Variants in CD47 observed in about 807,000 individuals in gnomAD.
The protein encoded by CD47 is leukocyte surface antigen CD47.
A neutral mutation model predicts 44.6 loss-of-function variants in CD47; 11 were observed. The ratio of observed to expected loss-of-function variants is 0.25; its 90% CI spans 0.16 to 0.41. CD47 has a LOEUF of 0.41. Among genes scored for constraint, CD47 ranks in the 10% least tolerant of loss-of-function variants. The pLI is 1.00. For missense variants in CD47, 306 were observed against 386.7 expected (o/e 0.79, Z 1.75); for synonymous variants, 140 against 136.3 (o/e 1.03, Z -0.19).
Position 108,060,809 on chromosome 3 carries a change from A to C in CD47, c.534T>G (p.Ala178=). ...TGATCACTAGTCCAGCAACAAGTAA[A>C]GCAATTGTTTTCTCATCCATACCAC... ...RSGGMDEKTI[A]LLVAGLVITV... The change falls in exon 4 of 11, where the codon GCT becomes GCG. Residue 178 remains alanine, a synonymous_variant. Coordinates refer to ENST00000361309, the MANE Select transcript of CD47 (RefSeq NM_001777.4). 6.2e-7 allele frequency: 1 copy of C among 1,613,654 alleles called. No individual in the cohort carries two copies. Among genetic ancestry groups the C allele is most frequent in the South Asian group, 1.1e-5 (1 of 91,076 alleles).
intron 4 of CD47, among the ~76,000 whole-genome samples, chr3:108,060,359 A>C (rs981438203): frequency 6.6e-6 from 1 of 152,248 alleles, no homozygotes; most frequent in African/African-American, 2.4e-5. Flanking sequence ...AAATGTGCTC[A>C]TAAGAGAGAG....
At chr3:108,066,674 TG>T (rs1265082256) in intron 3 of CD47, among the ~76,000 whole-genome samples, 1 of 152,028 alleles carries the variant, frequency 6.6e-6, no homozygotes, top group Non-Finnish European at 1.5e-5. Flanking sequence ...GCAAGAAAGA[TG>T]AAAGAGTAAA....
chr3:108,074,721 G>GC (rs1274239044), intron 2 of CD47, among the ~76,000 whole-genome samples: 1 of 132,240 alleles, frequency 7.6e-6, no homozygotes, highest in African/African-American at 2.7e-5. Context: ...TGGGGGGGGG[G>GC]GGCACACAAT....
intron 1 of CD47, among the ~76,000 whole-genome samples, chr3:108,083,102 A>G (rs537188676): frequency 6.6e-6 from 1 of 152,192 alleles, no homozygotes; most frequent in East Asian, 1.9e-4. Flanking sequence ...GATAATTAAC[A>G]TGAATAAGAA....
At chr3:108,080,747 T>G (rs1335580626) in intron 1 of CD47, among the ~76,000 whole-genome samples, 1 of 151,858 alleles carries the variant, frequency 6.6e-6, no homozygotes, top group East Asian at 1.9e-4. Flanking sequence ...CCAAACCAAA[T>G]ATTTTATTCA....
At chr3:108,071,395 CACTT>C (rs2079199035) in intron 2 of CD47, among the ~76,000 whole-genome samples, 1 of 152,122 alleles carries the variant, frequency 6.6e-6, no homozygotes, top group African/African-American at 2.4e-5. Context: ...ATAAAAACTA[CACTT>C]ACTTAAGCAT....
At chr3:108,084,398 A>C (rs1053111880) in intron 1 of CD47, among the ~76,000 whole-genome samples, 1 of 151,824 alleles carries the variant, frequency 6.6e-6, no homozygotes, top group African/African-American at 2.4e-5. Context: ...TGTCCACCCC[A>C]TCCTAGTTTG....
chr3:108,079,912 T>C (rs2079384214), intron 2 of CD47, 79 bp downstream of exon 2: 1 of 808,304 alleles, frequency 1.2e-6, no homozygotes, highest in Admixed American at 2.3e-5. Flanking sequence ...GGAGTACCTA[T>C]CCCCATTTGG....
At position 108,065,372 on chromosome 3, in the gene CD47, C is replaced by T. The variant is rs77650417; in HGVS notation, c.491-4520G>A. Among the ~76,000 whole-genome samples, 363 of 152,220 alleles carry T rather than the reference C, an allele frequency of 2.4e-3. 2 individuals carry two copies. Among genetic ancestry groups the T allele is most frequent in the African/African-American group, 8.5e-3 (351 of 41,522 alleles). ...TTTGGAAAGGGTCAAGGGATTTCTA[C>T]AAAAGAGTAAAATGCTGAGCTATAG... On this transcript the variant is annotated intron_variant, in intron 3 of 10. Transcript: ENST00000361309.
Position 108,082,743 on chromosome 3 carries a change from A to C in CD47, c.47-2399T>G, listed in dbSNP as rs3828375. Among the ~76,000 whole-genome samples the C allele has an allele frequency of 1.8e-4, 27 of 152,168 alleles. 1 individual carries two copies. In the East Asian group the frequency reaches 5.2e-3, roughly 29 times the overall value. On this transcript the variant is annotated intron_variant, in intron 1 of 10. Coordinates refer to ENST00000361309, the MANE Select transcript of CD47 (RefSeq NM_001777.4). ...ACATATGTTTAGAGAATGAATTTTC[A>C]AAGGAATACAGAAAGCAATAATTAT...
intron 10 of CD47, among the ~76,000 whole-genome samples, chr3:108,048,676 G>A (rs1222646661): frequency 1.3e-5 from 2 of 151,920 alleles, no homozygotes; most frequent in South Asian, 2.1e-4. Flanking sequence ...GAGCCACCGC[G>A]CCCGGCCGAC....
chr3:108,058,558 G>A (rs571467269), intron 5 of CD47, 129 bp from the exon 6 acceptor site: 23 of 562,200 alleles, frequency 4.1e-5, no homozygotes, highest in South Asian at 4.0e-4. Context: ...ATTGTTTGAC[G>A]GTAGATGTTA....
intron 1 of CD47, among the ~76,000 whole-genome samples, 181 bp downstream of exon 1, chr3:108,090,682 A>G (rs1198590037): frequency 6.6e-6 from 1 of 152,058 alleles, no homozygotes; most frequent in African/African-American, 2.4e-5. Flanking sequence ...GGGAGGAAGA[A>G]GGGGGGCGCC....
rs1330076614 is a variant in CD47 at position 108,091,000 on chromosome 3, G to C, written c.-92C>G. On this transcript the variant is annotated 5_prime_UTR_variant, in exon 1 of 11. Coordinates refer to ENST00000361309, the MANE Select transcript of CD47 (RefSeq NM_001777.4). Reference sequence around the variant, plus strand: ...TACAGGCAGGACCGACCGCCGCCGCGCGTCACAGGCAGGACCCACTGCCCA... The same window carrying C: ...TACAGGCAGGACCGACCGCCGCCGCCCGTCACAGGCAGGACCCACTGCCCA... 2 of 902,522 alleles carry C rather than the reference G, an allele frequency of 2.2e-6. No homozygotes were observed. Among genetic ancestry groups the C allele is most frequent in the Middle Eastern group, 7.6e-4 (2 of 2,632 alleles). 55.9% of individuals were successfully genotyped at this position (902,522 alleles called of 1,614,324 possible). A position where few individuals can be genotyped will look rare whatever the true frequency, so the allele number is the denominator to read the frequency against.
chr3:108,048,438 G>A (rs983626368), intron 10 of CD47, among the ~76,000 whole-genome samples: 1 of 131,608 alleles, frequency 7.6e-6, no homozygotes, highest in African/African-American at 2.8e-5. Context: ...AGGCTGGAGT[G>A]TAGTGGCACG....
chr3:108,060,751 C>T lies in CD47; in HGVS notation c.592G>A (p.Val198Ile), dbSNP rs181737868. ...VIVIVGAILF[V>I]PGEYSLKNAT... ...TAGGAACTGCACATCTTACCTGGGACGAAAAGAATGGCTCCAACAATGACA... is the reference window on the plus strand; with the variant it reads ...TAGGAACTGCACATCTTACCTGGGATGAAAAGAATGGCTCCAACAATGACA... Residue 198 changes from valine to isoleucine, a missense_variant, in exon 4 of 11, where the codon GTC becomes ATC. Val to Ile is a conservative substitution (Grantham distance 29). Transcript: ENST00000361309. The T allele has an allele frequency of 4.2e-5, 68 of 1,610,192 alleles. No individual in the cohort carries two copies. Among genetic ancestry groups the T allele is most frequent in the Middle Eastern group, 1.7e-4 (1 of 6,048 alleles).
At chr3:108,061,807 T>C (rs528132437) in intron 3 of CD47, among the ~76,000 whole-genome samples, 36 of 152,192 alleles carry the variant, frequency 2.4e-4, no homozygotes, top group Non-Finnish European at 5.9e-5. Flanking sequence ...GTCATCCACA[T>C]AGAGATAGTC....
chr3:108,062,471 T>G (rs1295752781), intron 3 of CD47, among the ~76,000 whole-genome samples: 2 of 152,114 alleles, frequency 1.3e-5, no homozygotes, highest in East Asian at 3.9e-4. Context: ...TAGAAGCTGT[T>G]TCAAATGCAC....
At position 108,048,371 on chromosome 3, in the gene CD47, G is replaced by GTTT. The variant is rs146476512; in HGVS notation, c.968-1082_968-1080dup. Among the ~76,000 whole-genome samples, 177 of 79,576 alleles carry GTTT rather than the reference G, an allele frequency of 2.2e-3. 3 individuals carry two copies. Among genetic ancestry groups the GTTT allele is most frequent in the East Asian group, 3.0e-3 (6 of 2,018 alleles). 52.2% of individuals were successfully genotyped at this position (79,576 alleles called of 152,430 possible). ...TTGTTCACCAATGCATGACTGGAGT[G>GTTT]TTTTTTTTTTTTTTTTTTTTTTTTT... On this transcript the variant is annotated intron_variant, in intron 10 of 10. Coordinates refer to ENST00000361309, the MANE Select transcript of CD47 (RefSeq NM_001777.4).
Sources: gnomAD v4.1 joint callset for allele counts (sites outside exome capture counted in the v4.1 genomes callset) on GRCh38, gnomAD v4.1.1 for gene constraint, MANE v1.5 for transcripts, NCBI Gene and HGNC (gene_info 2026-07-23, HGNC 2026-07-21) for gene names.